Variants in C14orf180 observed in about 807,000 individuals in gnomAD.
C14orf180 encodes the protein nutritionally-regulated adipose and cardiac enriched protein homolog.
Under a neutral mutation model 13.9 loss-of-function variants are expected in C14orf180, and 13 were observed. The observed-to-expected ratio is 0.94, with a 90% CI of 0.61 to 1.49. The LOEUF (loss-of-function observed/expected upper bound fraction) is 1.49, where lower values mean the gene tolerates loss of function less well. Ranked by LOEUF, C14orf180 falls within the 40% of genes most tolerant of loss-of-function variation. The pLI is 0.00. For missense variants in C14orf180, 238 were observed against 232.0 expected (o/e 1.03, Z -0.17); for synonymous variants, 113 against 106.3 (o/e 1.06, Z -0.39).
intron 3 of C14orf180, 45 bp from the exon 4 acceptor site, chr14:104,588,229 G>A (rs778147750): frequency 3.1e-6 from 5 of 1,612,742 alleles, no homozygotes; most frequent in Non-Finnish European, 4.2e-6. Context: ...GCGCCCGATG[G>A]ACTGAGGCAG....
chr14:104,585,424 G>C (rs1041272852), intron 1 of C14orf180, among the ~76,000 whole-genome samples: 8 of 152,200 alleles, frequency 5.3e-5, no homozygotes, highest in Non-Finnish European at 7.3e-5. Flanking sequence ...CCCTCTGTAG[G>C]GAGGAGTGCC....
Position 104,588,834 on chromosome 14 carries a change from CG to C in C14orf180, c.*56del. On this transcript the variant is annotated 3_prime_UTR_variant, in exon 5 of 5. Coordinates refer to ENST00000557649, the MANE Select transcript of C14orf180 (RefSeq NM_001008404.3). ...GGCTTCCAGGAGAGCTCAAGCACTC[CG>C]GGGGCTCCGAGACAGCCTGAGCCCT... The C allele has an allele frequency of 6.6e-7, 1 of 1,523,600 alleles. No homozygotes were observed. The highest frequency in any genetic ancestry group is 8.8e-7 in the Non-Finnish European group (1 of 1,139,770). The allele number at this position is 1,523,600 out of a possible 1,614,324, so 94.4% of individuals were successfully genotyped here. A position where few individuals can be genotyped will look rare whatever the true frequency, so the allele number is the denominator to read the frequency against.
rs757207637 is a variant in C14orf180, at chr14:104,586,419, A to G, written c.-12A>G. 3.3e-6 allele frequency: 5 copies of G among 1,495,990 alleles called. No homozygotes were observed. The highest frequency in any genetic ancestry group is 2.6e-5 in the East Asian group (1 of 38,922). The allele number at this position is 1,495,990 out of a possible 1,614,324, so 92.7% of individuals were successfully genotyped here. ...TAACGTCTCTGCTTATCTTAGGACC[A>G]TGTTCCAGTAAATGAGGACTGCAGC... On this transcript the variant is annotated 5_prime_UTR_variant, in exon 2 of 5. The change abolishes an upstream ATG in the 5' untranslated region. Transcript: ENST00000557649.
At position 104,588,266 on chromosome 14, in the gene C14orf180, T is replaced by C; in HGVS notation, c.242-8T>C. ...TGCCCCCAGCTGACTCTCCATTCTC[T>C]TTCGCAGACATTGCTGACAAGAACG... On this transcript the variant is annotated splice_polypyrimidine_tract_variant and splice_region_variant and intron_variant, in intron 3 of 4. Transcript: ENST00000557649. 6.2e-7 allele frequency: 1 copy of C among 1,613,958 alleles called. No individual in the cohort carries two copies. The highest frequency in any genetic ancestry group is 8.5e-7 in the Non-Finnish European group (1 of 1,180,002).
chr14:104,585,083 C>G (rs1431285952), intron 1 of C14orf180, among the ~76,000 whole-genome samples: 1 of 152,256 alleles, frequency 6.6e-6, no homozygotes, highest in Non-Finnish European at 1.5e-5. Flanking sequence ...CTTCTCAGCC[C>G]TTGGGGGCAG....
chr14:104,588,384 G>C, intron 4 of C14orf180, 75 bp downstream of exon 4: 1 of 1,598,808 alleles, frequency 6.3e-7, no homozygotes. Context: ...CCTCCCCGAG[G>C]GAGGTGTCAC....
At chr14:104,586,951 G>C (rs1390252304) in intron 2 of C14orf180, among the ~76,000 whole-genome samples, 1 of 152,210 alleles carries the variant, frequency 6.6e-6, no homozygotes, top group Non-Finnish European at 1.5e-5. Flanking sequence ...GCACTGCCAG[G>C]CTGGGGCATG....
intron 1 of C14orf180, among the ~76,000 whole-genome samples, chr14:104,582,855 G>A (rs1316282681): frequency 6.6e-6 from 1 of 152,272 alleles, no homozygotes; most frequent in African/African-American, 2.4e-5. Context: ...TCTGTCACGA[G>A]GCCTCCAGTT....
intron 1 of C14orf180, among the ~76,000 whole-genome samples, chr14:104,584,498 C>G (rs923061911): frequency 6.6e-6 from 1 of 152,308 alleles, no homozygotes; most frequent in East Asian, 1.9e-4. Flanking sequence ...CTGCTACGGA[C>G]AGGCAGTCAA....
In C14orf180 at chr14:104,582,999, C is replaced by T. The variant is rs535977562; in HGVS notation, c.-17+2996C>T. Among the ~76,000 whole-genome samples, 4 of 152,246 alleles carry T rather than the reference C, an allele frequency of 2.6e-5. No individual in the cohort carries two copies. The East Asian group carries it at 7.7e-4, about 29-fold the overall frequency. On this transcript the variant is annotated intron_variant, in intron 1 of 4. Coordinates refer to ENST00000557649, the MANE Select transcript of C14orf180 (RefSeq NM_001008404.3). ...ACACCACTTACCCGAGGTCACAGAG[C>T]CAAAGAAGGACAGAGCCCAGGACTT... is the stretch of plus-strand genomic sequence containing the variant.
intron 1 of C14orf180, among the ~76,000 whole-genome samples, chr14:104,581,856 G>A (rs1348420093): frequency 6.6e-6 from 1 of 152,150 alleles, no homozygotes; most frequent in African/African-American, 2.4e-5. Context: ...CAGGCCCCGG[G>A]ACCCTCTGCC....
rs760999693 is a variant in C14orf180, at chr14:104,587,913, G to A, written c.241+35G>A. On this transcript the variant is annotated intron_variant, in intron 3 of 4. Coordinates refer to ENST00000557649, the MANE Select transcript of C14orf180 (RefSeq NM_001008404.3). ...CACCCGCAGCAAGCAGCTGGGAGAGGGTGGAGTCAAGCAGAGGGAGGCGGG... is the reference window on the plus strand; with the variant it reads ...CACCCGCAGCAAGCAGCTGGGAGAGAGTGGAGTCAAGCAGAGGGAGGCGGG... 5.1e-6 allele frequency: 8 copies of A among 1,583,010 alleles called. No homozygotes were observed. The African/African-American group carries it at 9.4e-5, about 19-fold the overall frequency.
At chr14:104,588,456 G>A in intron 4 of C14orf180, 122 bp from the exon 5 acceptor site, 3 of 1,463,904 alleles carry the variant, frequency 2.0e-6, no homozygotes, top group Non-Finnish European at 2.8e-6. Context: ...GACCCCAAGA[G>A]GCTAGGGAGG....
In C14orf180 at chr14:104,584,782, G is replaced by A. The variant is rs536175052; in HGVS notation, c.-16-1633G>A. On this transcript the variant is annotated intron_variant, in intron 1 of 4. Transcript: ENST00000557649. ...ATAAAAACCTGATCCGGCGATAGCAGAAAATTGCTCTCTTTTGAAATAATT... is the reference window on the plus strand; with the variant it reads ...ATAAAAACCTGATCCGGCGATAGCAAAAAATTGCTCTCTTTTGAAATAATT... Among the ~76,000 whole-genome samples, 27 of 152,374 alleles carry A rather than the reference G, an allele frequency of 1.8e-4. No individual in the cohort carries two copies. In the East Asian group the frequency reaches 5.0e-3, roughly 28 times the overall value.
intron 1 of C14orf180, among the ~76,000 whole-genome samples, chr14:104,584,763 A>T (rs1365343344): frequency 1.3e-5 from 2 of 152,162 alleles, no homozygotes; most frequent in Non-Finnish European, 2.9e-5. Context: ...TGCAATAAAA[A>T]CCTGATCCGG....
intron 1 of C14orf180, among the ~76,000 whole-genome samples, chr14:104,583,990 C>T (rs945425122): frequency 6.6e-6 from 1 of 152,032 alleles, no homozygotes; most frequent in Non-Finnish European, 1.5e-5. Flanking sequence ...TGCCCACTCT[C>T]ACACTTGCAC....
chr14:104,583,925 C>T (rs891268367), intron 1 of C14orf180, among the ~76,000 whole-genome samples: 8 of 152,020 alleles, frequency 5.3e-5, no homozygotes, highest in Non-Finnish European at 1.0e-4. Context: ...CCTCCATGCA[C>T]ACATTCACAC....
chr14:104,589,297 C>G lies in C14orf180; in HGVS notation c.*514C>G. 5.8e-6 allele frequency: 1 copy of G among 171,722 alleles called. No homozygotes were observed. The highest frequency in any genetic ancestry group is 1.2e-5 in the Non-Finnish European group (1 of 81,422). The allele number at this position is 171,722 out of a possible 1,614,324, so 10.6% of individuals were successfully genotyped here. On this transcript the variant is annotated 3_prime_UTR_variant, in exon 5 of 5. Transcript: ENST00000557649. The surrounding 1 kb of genome is among the most constrained non-coding windows in gnomAD (Gnocchi z 4.9). Reference sequence around the variant, plus strand: ...AAGGGTCTGGTTGTCAAGGTGGGTCCCTTTGATGTGAGGTGCCATCCTCTG... The same window carrying G: ...AAGGGTCTGGTTGTCAAGGTGGGTCGCTTTGATGTGAGGTGCCATCCTCTG...
At chr14:104,586,576 C>A in intron 2 of C14orf180, 35 bp downstream of exon 2, 1 of 1,395,980 alleles carries the variant, frequency 7.2e-7, no homozygotes, top group Non-Finnish European at 9.7e-7. Context: ...CTTCTGCAAG[C>A]TGGCCTTCCA....
Sources: gnomAD v4.1 joint callset for allele counts (sites outside exome capture counted in the v4.1 genomes callset) on GRCh38, gnomAD v4.1.1 for gene constraint, Gnocchi (gnomAD v3.1) non-coding constraint, MANE v1.5 for transcripts, NCBI Gene and HGNC (gene_info 2026-07-23, HGNC 2026-07-21) for gene names.